The following TMLHE variants were observed in gnomAD, a reference collection of about 807,000 sequenced individuals.
TMLHE encodes the protein trimethyllysine hydroxylase, epsilon.
In TMLHE, 18 loss-of-function variants were observed where a neutral mutation model predicts 25.7. That is an observed-to-expected ratio of 0.70 (90% CI 0.48 to 1.04). TMLHE has a LOEUF of 1.04. TMLHE is among the 50% of genes least tolerant of loss of function. The pLI, the probability that TMLHE is intolerant of heterozygous loss-of-function variation, is 0.00. For missense variants in TMLHE, 236 were observed against 259.0 expected, an observed-to-expected ratio of 0.91 and a Z score of 0.61; for synonymous variants, 105 against 97.0, an observed-to-expected ratio of 1.08 and a Z score of -0.49.
intron 1 of TMLHE, among the ~76,000 whole-genome samples, chrX:155,590,029 T>C (rs2067686220): frequency 8.9e-6 from 1 of 111,953 alleles, no homozygotes; most frequent in African/African-American, 3.2e-5. Context: ...ATTGAGAGAA[T>C]TTATTACTAG....
intron 1 of TMLHE, among the ~76,000 whole-genome samples, chrX:155,548,459 G>GGC (rs2067372501): frequency 9.0e-6 from 1 of 110,740 alleles, no homozygotes; most frequent in East Asian, 2.8e-4. Context: ...CTACAGGCTG[G>GGC]GCACGGTGGC....
intron 4 of TMLHE, among the ~76,000 whole-genome samples, chrX:155,512,214 T>C (rs902625930): frequency 1.9e-4 from 21 of 109,935 alleles, no homozygotes; most frequent in Non-Finnish European, 3.4e-4. Context: ...ATGTGCACAA[T>C]GTGCAGGTTT....
chrX:155,558,951 G>C (rs2067476773), intron 1 of TMLHE, among the ~76,000 whole-genome samples: 1 of 111,350 alleles, frequency 9.0e-6, no homozygotes, highest in African/African-American at 3.3e-5. Flanking sequence ...TGGCTTTGTT[G>C]ATAACTGTAA....
intron 1 of TMLHE, among the ~76,000 whole-genome samples, chrX:155,597,205 A>G (rs2067726795): frequency 9.1e-6 from 1 of 110,241 alleles, no homozygotes; most frequent in Admixed American, 9.7e-5. Context: ...AAAGGACATG[A>G]ACTCATCATT....
chrX:155,520,427 C>T (rs2067183762), intron 3 of TMLHE, among the ~76,000 whole-genome samples: 1 of 14,564 alleles, frequency 6.9e-5, no homozygotes, highest in Non-Finnish European at 1.2e-4. Context: ...GAGGGTAACC[C>T]GACCTTTCTC....
chrX:155,603,406 G>T (rs193181210), intron 1 of TMLHE, among the ~76,000 whole-genome samples: 2 of 110,281 alleles, frequency 1.8e-5, no homozygotes, highest in Non-Finnish European at 3.8e-5. Context: ...AAGAAAGAAA[G>T]AAAGAGTGAC....
At chrX:155,514,842 T>A (rs1304659620) in intron 3 of TMLHE, among the ~76,000 whole-genome samples, 1 of 111,519 alleles carries the variant, frequency 9.0e-6, no homozygotes, top group African/African-American at 3.3e-5. Flanking sequence ...TTATATGACA[T>A]CAACACAATA....
At chrX:155,567,976 C>T (rs1325492994) in intron 1 of TMLHE, among the ~76,000 whole-genome samples, 1 of 61,558 alleles carries the variant, frequency 1.6e-5, no homozygotes, top group African/African-American at 3.6e-5. Flanking sequence ...GAGTGCCAGA[C>T]AGTGGGCGCA....
intron 3 of TMLHE, among the ~76,000 whole-genome samples, chrX:155,522,907 GT>G (rs1175981476): frequency 8.5e-4 from 88 of 103,294 alleles, no homozygotes; most frequent in African/African-American, 2.3e-3. Context: ...TGCATGTTTA[GT>G]TTTTTTTTTT....
rs148716328 is a variant in TMLHE, at chrX:155,600,068, C to T, written c.-2+12724G>A. 5.1e-3 allele frequency among the ~76,000 whole-genome samples: 573 copies of T among 111,792 alleles called. 6 individuals are homozygous for T. The highest frequency in any genetic ancestry group is 0.018 in the African/African-American group (547 of 30,796). On this transcript the variant is annotated intron_variant, in intron 1 of 7. Transcript: ENST00000334398. The stretch of plus-strand genomic sequence containing the variant: ...CCTACCTCCTTTTGTTACATATAAA[C>T]ATGGTATTTTTGCATGAATTTACTA...
At chrX:155,611,475 G>A (rs1309712514) in intron 1 of TMLHE, 4 of 111,022 alleles carry the variant, frequency 3.6e-5, no homozygotes, top group Admixed American at 9.5e-5. Context: ...TGTTCCCAGG[G>A]TTGACAAGCA....
rs2067542447 is a variant in TMLHE at position 155,570,514 on chromosome X, C to G, written c.-1-25237G>C. On this transcript the variant is annotated intron_variant, in intron 1 of 7. Coordinates refer to ENST00000334398, the MANE Select transcript of TMLHE (RefSeq NM_018196.4). ...TAGACATCTACAGAACTCTCCACCC[C>G]AAATCAACAGAATATACATTTTTTT... Among the ~76,000 whole-genome samples the G allele has an allele frequency of 5.3e-5, 3 of 56,465 alleles. 1 individual carries two copies. The South Asian group carries it at 3.1e-3, about 58-fold the overall frequency. The allele number at this position is 56,465 out of a possible 115,157, so 49.0% of individuals were successfully genotyped here.
intron 1 of TMLHE, among the ~76,000 whole-genome samples, chrX:155,549,691 G>C (rs2067399523): frequency 9.1e-6 from 1 of 109,999 alleles, no homozygotes; most frequent in Non-Finnish European, 1.9e-5. Context: ...GTGTATGTGT[G>C]TGTGTCATCT....
At chrX:155,531,203 G>C (rs1013746021) in intron 2 of TMLHE, among the ~76,000 whole-genome samples, 2 of 111,957 alleles carry the variant, frequency 1.8e-5, no homozygotes, top group Non-Finnish European at 3.8e-5. Context: ...GTAAAAACCA[G>C]GACAAACTTC....
intron 2 of TMLHE, among the ~76,000 whole-genome samples, chrX:155,534,530 C>T (rs782308636): frequency 9.0e-6 from 1 of 111,596 alleles, no homozygotes; most frequent in East Asian, 2.8e-4. Context: ...CACCTGGCAC[C>T]CGGCCTTATT....
At chrX:155,539,168 A>G (rs2067296952) in intron 2 of TMLHE, among the ~76,000 whole-genome samples, 1 of 111,362 alleles carries the variant, frequency 9.0e-6, no homozygotes, top group African/African-American at 3.3e-5. Flanking sequence ...CCTAGGGGGG[A>G]AAAGAAGTTG....
At chrX:155,526,716 G>A (rs2067221842) in intron 2 of TMLHE, among the ~76,000 whole-genome samples, 2 of 113,080 alleles carry the variant, frequency 1.8e-5, no homozygotes, top group African/African-American at 6.4e-5. Context: ...AAAGCCACAG[G>A]GGCAGAGCTG....
intron 1 of TMLHE, among the ~76,000 whole-genome samples, chrX:155,599,509 C>G (rs1557346986): frequency 9.0e-6 from 1 of 111,578 alleles, no homozygotes; most frequent in Non-Finnish European, 1.9e-5. Context: ...GTGATAGAAG[C>G]AAAATACACT....
intron 1 of TMLHE, among the ~76,000 whole-genome samples, chrX:155,554,676 C>A: frequency 9.1e-6 from 1 of 109,500 alleles, no homozygotes; most frequent in Non-Finnish European, 1.9e-5. Context: ...TTGTGACAGG[C>A]AGATTTCTAA....
Sources: allele counts gnomAD v4.1 joint callset (sites outside exome capture counted in the v4.1 genomes callset), GRCh38; gene constraint gnomAD v4.1.1; transcripts MANE v1.5; gene names NCBI Gene and HGNC (gene_info 2026-07-23, HGNC 2026-07-21).